Variants in CLDN16 observed in about 807,000 individuals in gnomAD.
CLDN16 encodes the protein claudin 16.
CLDN16 carries 13 observed loss-of-function variants against 24.6 expected under a neutral mutation model. The observed-to-expected ratio is 0.53, with a 90% CI of 0.34 to 0.84. The LOEUF is 0.84. Among genes scored for constraint, CLDN16 ranks in the 40% least tolerant of loss-of-function variants. The pLI is 0.01. For missense variants in CLDN16, 298 were observed against 292.7 expected, an observed-to-expected ratio of 1.02 and a Z score of -0.13; for synonymous variants, 116 against 106.7, an observed-to-expected ratio of 1.09 and a Z score of -0.54.
At chr3:190,297,540 T>C in the CLDN16 span, among the ~76,000 whole-genome samples, 2 of 141,808 alleles carry the variant, frequency 1.4e-5, no homozygotes, top group Non-Finnish European at 3.1e-5. Context: ...TATAGATATA[T>C]AGATAATAAT....
chr3:190,295,219 A>G, the CLDN16 span, among the ~76,000 whole-genome samples: 18 of 152,252 alleles, frequency 1.2e-4, no homozygotes, highest in East Asian at 3.5e-3. Context: ...CAGGTACACA[A>G]TGATACACAG....
chr3:190,316,926 G>C, the CLDN16 span, among the ~76,000 whole-genome samples: 1 of 152,152 alleles, frequency 6.6e-6, no homozygotes, highest in Non-Finnish European at 1.5e-5. Flanking sequence ...CTGATAACTA[G>C]AAACTCATGC....
At chr3:190,312,344 G>A in the CLDN16 span, among the ~76,000 whole-genome samples, 1 of 151,896 alleles carries the variant, frequency 6.6e-6, no homozygotes, top group East Asian at 1.9e-4. Context: ...CATTCCAACA[G>A]GCCACCTCTA....
intron 1 of CLDN16, among the ~76,000 whole-genome samples, chr3:190,349,792 G>A (rs1717632533): frequency 6.6e-6 from 1 of 152,096 alleles, no homozygotes; most frequent in Admixed American, 6.5e-5. Context: ...CTAGACCCAA[G>A]GTAAAGAAGG....
intron 1 of CLDN16, among the ~76,000 whole-genome samples, chr3:190,393,427 C>T (rs889088232): frequency 6.6e-6 from 1 of 152,112 alleles, no homozygotes; most frequent in African/African-American, 2.4e-5. Context: ...TAGACAGACT[C>T]TTAAATAGCT....
chr3:190,361,720 T>A (rs1400545184), intron 1 of CLDN16, among the ~76,000 whole-genome samples: 2 of 124,848 alleles, frequency 1.6e-5, no homozygotes, highest in African/African-American at 6.7e-5. Context: ...CAAGAAATCA[T>A]TTTTTTTTTC....
At chr3:190,304,423 G>A in the CLDN16 span, among the ~76,000 whole-genome samples, 8 of 152,178 alleles carry the variant, frequency 5.3e-5, no homozygotes, top group East Asian at 1.9e-4. Flanking sequence ...TAGGTGTCCC[G>A]TAAATATTAA....
At chr3:190,371,695 A>G (rs1380863798) in intron 2 of CLDN16, among the ~76,000 whole-genome samples, 1 of 151,996 alleles carries the variant, frequency 6.6e-6, no homozygotes, top group Non-Finnish European at 1.5e-5. Context: ...AAAGCCTTGA[A>G]TTAGGAGGTG....
chr3:190,379,131 G>T (rs1201740799), intron 3 of CLDN16, among the ~76,000 whole-genome samples: 1 of 151,994 alleles, frequency 6.6e-6, no homozygotes, highest in Non-Finnish European at 1.5e-5. Flanking sequence ...ATAATGGTCA[G>T]ATCAACTGAA....
upstream of CLDN16, chr3:190,322,278 C>T: frequency 7.3e-7 from 1 of 1,362,814 alleles, no homozygotes; most frequent in Non-Finnish European, 1.0e-6. Flanking sequence ...GGTGGGCAAC[C>T]CGGACTCCCG....
chr3:190,348,749 T>G (rs1437869452), intron 1 of CLDN16, among the ~76,000 whole-genome samples: 1 of 152,150 alleles, frequency 6.6e-6, no homozygotes, highest in Non-Finnish European at 1.5e-5. Context: ...GTTGTACAGA[T>G]TATTTCATCA....
chr3:190,291,296 G>A, the CLDN16 span, among the ~76,000 whole-genome samples: 5 of 152,152 alleles, frequency 3.3e-5, no homozygotes, highest in Non-Finnish European at 7.3e-5. Flanking sequence ...CCCCAAGACT[G>A]GGTAAATTAT....
intron 1 of CLDN16, among the ~76,000 whole-genome samples, chr3:190,324,636 G>T (rs1717019733): frequency 6.6e-6 from 1 of 152,182 alleles, no homozygotes; most frequent in Admixed American, 6.5e-5. Context: ...GTGGTCAGCA[G>T]GGTCCCGTGT....
At chr3:190,321,192 T>C (rs1716912155), upstream of CLDN16, among the ~76,000 whole-genome samples, 1 of 152,204 alleles carries the variant, frequency 6.6e-6, no homozygotes, top group African/African-American at 2.4e-5. Context: ...TTTGCTGCAT[T>C]TCCCTTCAGT....
chr3:190,326,115 AT>A (rs949594405), intron 1 of CLDN16, among the ~76,000 whole-genome samples: 1 of 152,112 alleles, frequency 6.6e-6, no homozygotes, highest in African/African-American at 2.4e-5. Flanking sequence ...TGTGACTCAC[AT>A]TTTTTCTTCT....
At chr3:190,387,802 T>C (rs1349350768), upstream of CLDN16, 11 of 357,800 alleles carry the variant, frequency 3.1e-5, no homozygotes, top group East Asian at 6.3e-4. Flanking sequence ...CAGTGGCCTG[T>C]CTGTCTAAAG....
At chr3:190,359,148 T>G (rs1461305055) in intron 1 of CLDN16, among the ~76,000 whole-genome samples, 1 of 152,188 alleles carries the variant, frequency 6.6e-6, no homozygotes, top group South Asian at 2.1e-4. Context: ...ATGCTACAAT[T>G]TGGTCATTCA....
the CLDN16 span, among the ~76,000 whole-genome samples, chr3:190,300,639 A>G: frequency 8.3e-3 from 1,269 of 152,318 alleles, 22 homozygotes; most frequent in African/African-American, 0.029. Flanking sequence ...ATTTACAGAA[A>G]AAAGTTTGCT....
At chr3:190,399,562 T>G (rs1416250712) in intron 1 of CLDN16, among the ~76,000 whole-genome samples, 1 of 152,174 alleles carries the variant, frequency 6.6e-6, no homozygotes, top group Non-Finnish European at 1.5e-5. Context: ...TTTTAGCACA[T>G]ATGCATCTTC....
Sources: allele counts gnomAD v4.1 joint callset (sites outside exome capture counted in the v4.1 genomes callset), GRCh38; gene constraint gnomAD v4.1.1; transcripts MANE v1.5; gene names NCBI Gene and HGNC (gene_info 2026-07-23, HGNC 2026-07-21).